The following GRIA1 variants were observed in gnomAD, a reference collection of about 807,000 sequenced individuals.
GRIA1 encodes the protein glutamate receptor 1.
In GRIA1, 31 loss-of-function variants were observed where a neutral mutation model predicts 99.2. The ratio of observed to expected loss-of-function variants is 0.31; its 90% CI spans 0.23 to 0.42. The LOEUF (loss-of-function observed/expected upper bound fraction) is 0.42. Among genes scored for constraint, GRIA1 ranks in the 10% least tolerant of loss-of-function variants. GRIA1 has a pLI of 1.00. For synonymous variants in GRIA1, 438 were observed against 432.4 expected (o/e 1.01, Z -0.16); for missense variants, 782 against 1,157.5 (o/e 0.68, Z 4.71).
chr5:153,683,283 T>G (rs1757115190), intron 7 of GRIA1, among the ~76,000 whole-genome samples: 1 of 152,214 alleles, frequency 6.6e-6, no homozygotes, highest in Admixed American at 6.5e-5. Context: ...CATGGAATGG[T>G]GTTTCTGGGA....
intron 11 of GRIA1, among the ~76,000 whole-genome samples, chr5:153,706,995 G>A (rs570702863): frequency 2.8e-4 from 43 of 152,192 alleles, no homozygotes; most frequent in African/African-American, 1.0e-3. Context: ...GCAGGTGCCC[G>A]TAATTCCAGC....
At chr5:153,619,422 G>A (rs1766818723) in intron 2 of GRIA1, among the ~76,000 whole-genome samples, 4 of 152,110 alleles carry the variant, frequency 2.6e-5, no homozygotes, top group Non-Finnish European at 4.4e-5. Flanking sequence ...CATTTTCTCT[G>A]GGGAAAGACC....
intron 2 of GRIA1, among the ~76,000 whole-genome samples, chr5:153,495,133 G>C (rs139120262): frequency 6.6e-6 from 1 of 152,254 alleles, no homozygotes; most frequent in Non-Finnish European, 1.5e-5. Context: ...AAATAATGTT[G>C]TTACAAATTC....
At chr5:153,718,959 C>T (rs1256967259) in intron 11 of GRIA1, among the ~76,000 whole-genome samples, 1 of 152,214 alleles carries the variant, frequency 6.6e-6, no homozygotes, top group Non-Finnish European at 1.5e-5. Flanking sequence ...ACTGAATCCA[C>T]ACACCTGCCC....
chr5:153,613,199 C>T lies in GRIA1; in HGVS notation c.221-33729C>T, dbSNP rs117845698. Among the ~76,000 whole-genome samples, 175 of 150,240 alleles carry T rather than the reference C, an allele frequency of 1.2e-3. 1 individual carries two copies. In the East Asian group the frequency reaches 0.029, roughly 25 times the overall value. ...GTAATTCTGTTTGATTTCCACTGAA[C>T]GGCTCCTGAAAGGAGACACTGAACC... On this transcript the variant is annotated intron_variant, in intron 2 of 15. Coordinates refer to ENST00000285900, the MANE Select transcript of GRIA1 (RefSeq NM_000827.4).
intron 3 of GRIA1, among the ~76,000 whole-genome samples, chr5:153,649,728 C>G (rs933700175): frequency 5.9e-5 from 9 of 152,144 alleles, no homozygotes; most frequent in African/African-American, 2.2e-4. Context: ...TCCCAAAGTG[C>G]TGGGATTACA....
chr5:153,738,884 G>A (rs981666186), intron 11 of GRIA1, among the ~76,000 whole-genome samples: 16 of 151,688 alleles, frequency 1.1e-4, no homozygotes, highest in South Asian at 4.2e-4. Context: ...CACCACGTCC[G>A]GCTAATTTTG....
chr5:153,715,132 A>C (rs1759578017), intron 11 of GRIA1, among the ~76,000 whole-genome samples: 1 of 152,144 alleles, frequency 6.6e-6, no homozygotes, highest in Non-Finnish European at 1.5e-5. Flanking sequence ...TGTGTGTCTC[A>C]CTTTTTCCTC....
intron 2 of GRIA1, among the ~76,000 whole-genome samples, chr5:153,500,038 C>T (rs907841674): frequency 6.6e-6 from 1 of 152,172 alleles, no homozygotes; most frequent in Admixed American, 6.5e-5. Context: ...AATCTTCACC[C>T]GTGCCCTTAC....
chr5:153,597,820 C>G (rs923112475), intron 2 of GRIA1, among the ~76,000 whole-genome samples: 9 of 147,280 alleles, frequency 6.1e-5, no homozygotes, highest in African/African-American at 1.7e-4. Flanking sequence ...CAAGGCTGGG[C>G]AACATGGCAA....
At chr5:153,495,075 T>A (rs1229199160) in intron 2 of GRIA1, among the ~76,000 whole-genome samples, 1 of 152,186 alleles carries the variant, frequency 6.6e-6, no homozygotes, top group African/African-American at 2.4e-5. Context: ...TGCTTTGAAG[T>A]CTCAAAATGA....
chr5:153,572,934 G>C (rs1172688177), intron 2 of GRIA1, among the ~76,000 whole-genome samples: 1 of 152,198 alleles, frequency 6.6e-6, no homozygotes, highest in South Asian at 2.1e-4. Context: ...ATTCTCCTGG[G>C]CCCTTGTGAA....
At chr5:153,797,499 G>A (rs1765722705) in intron 14 of GRIA1, among the ~76,000 whole-genome samples, 1 of 152,144 alleles carries the variant, frequency 6.6e-6, no homozygotes, top group Non-Finnish European at 1.5e-5. Flanking sequence ...AACACACAAG[G>A]CCCCTGCTCA....
chr5:153,741,069 T>C (rs975836222), intron 11 of GRIA1, among the ~76,000 whole-genome samples: 2 of 143,476 alleles, frequency 1.4e-5, no homozygotes, highest in African/African-American at 2.6e-5. Context: ...CTCTGCCTCC[T>C]AGGTTCACGC....
chr5:153,749,482 GA>G (rs1762371744), intron 11 of GRIA1, among the ~76,000 whole-genome samples: 2 of 152,296 alleles, frequency 1.3e-5, no homozygotes, highest in Non-Finnish European at 2.9e-5. Context: ...ACTCACGGAG[GA>G]AGGCAAGGGG....
intron 11 of GRIA1, among the ~76,000 whole-genome samples, chr5:153,723,677 A>G (rs1247065398): frequency 6.6e-6 from 1 of 152,174 alleles, no homozygotes; most frequent in Non-Finnish European, 1.5e-5. Context: ...GCAAGGCGGC[A>G]GCAAGGCTGG....
intron 2 of GRIA1, among the ~76,000 whole-genome samples, chr5:153,541,277 C>T (rs1759067810): frequency 6.6e-6 from 1 of 152,132 alleles, no homozygotes; most frequent in Admixed American, 6.5e-5. Flanking sequence ...CTCAACTTCC[C>T]CTGAGCTTCA....
intron 2 of GRIA1, among the ~76,000 whole-genome samples, chr5:153,600,772 A>G (rs1489698110): frequency 3.3e-5 from 5 of 152,206 alleles, no homozygotes; most frequent in African/African-American, 9.6e-5. Flanking sequence ...CTTATGTCTC[A>G]CAGCCTGGGA....
At chr5:153,780,667 G>C (rs1020923307) in intron 13 of GRIA1, among the ~76,000 whole-genome samples, 4 of 152,136 alleles carry the variant, frequency 2.6e-5, no homozygotes, top group African/African-American at 9.7e-5. Flanking sequence ...ATCTTCCTAT[G>C]AGATTCATAA....
Sources: gnomAD v4.1 joint callset for allele counts (sites outside exome capture counted in the v4.1 genomes callset) on GRCh38, gnomAD v4.1.1 for gene constraint, MANE v1.5 for transcripts, NCBI Gene and HGNC (gene_info 2026-07-23, HGNC 2026-07-21) for gene names.